ENOX2: variants seen among roughly 807,000 people sequenced by gnomAD.
The protein encoded by ENOX2 is APK1 antigen.
ENOX2 carries 36 observed loss-of-function variants against 45.0 expected under a neutral mutation model. That is an observed-to-expected ratio of 0.80 (90% CI 0.61 to 1.06). The LOEUF (loss-of-function observed/expected upper bound fraction) is 1.06. Among genes scored for constraint, ENOX2 ranks in the 50% least tolerant of loss-of-function variants. The probability of loss-of-function intolerance (pLI) is 0.00; values close to 1 mark genes in which losing one functional copy is unlikely to be tolerated. For synonymous variants in ENOX2, 174 were observed against 152.3 expected, an observed-to-expected ratio of 1.14 and a Z score of -1.05; for missense variants, 423 against 462.5, an observed-to-expected ratio of 0.91 and a Z score of 0.78.
intron 3 of ENOX2, among the ~76,000 whole-genome samples, chrX:130,726,744 G>A (rs1350312093): frequency 8.9e-6 from 1 of 112,600 alleles, no homozygotes; most frequent in Non-Finnish European, 1.9e-5. Flanking sequence ...TCGATTTTAC[G>A]ATGATTTAGA....
At chrX:130,859,258 G>A (rs2078369521) in intron 2 of ENOX2, among the ~76,000 whole-genome samples, 1 of 112,023 alleles carries the variant, frequency 8.9e-6, no homozygotes, top group African/African-American at 3.3e-5. Context: ...CTTGAACCCG[G>A]GAGGCGGAGG....
intron 2 of ENOX2, among the ~76,000 whole-genome samples, chrX:130,795,710 C>T (rs762020374): frequency 8.9e-5 from 10 of 112,037 alleles, no homozygotes; most frequent in Admixed American, 1.9e-4. Context: ...CCCCTAAGTA[C>T]CCTTTGCTTC....
At position 130,678,904 on chromosome X, in the gene ENOX2, G is replaced by A. The variant is rs774226996; in HGVS notation, c.460+638C>T. Among the ~76,000 whole-genome samples, 13 of 111,442 alleles carry A rather than the reference G, an allele frequency of 1.2e-4. No homozygotes were observed. In the East Asian group the frequency reaches 3.1e-3, roughly 27 times the overall value. Reference sequence around the variant, plus strand: ...TTATGAGTATCTACTTTTGTGCCAGGTTATGTGCTAGATGCTGGGGATTCA... The same window carrying A: ...TTATGAGTATCTACTTTTGTGCCAGATTATGTGCTAGATGCTGGGGATTCA... On this transcript the variant is annotated intron_variant, in intron 6 of 14. Transcript: ENST00000394363.
intron 14 of ENOX2, among the ~76,000 whole-genome samples, chrX:130,626,010 A>G (rs1217344639): frequency 9.0e-6 from 1 of 111,262 alleles, no homozygotes; most frequent in Non-Finnish European, 1.9e-5. Flanking sequence ...TTAGGTGGTC[A>G]TCTTCACATT....
chrX:130,732,356 A>G (rs2038756393), intron 3 of ENOX2, among the ~76,000 whole-genome samples: 1 of 112,156 alleles, frequency 8.9e-6, no homozygotes, highest in South Asian at 3.7e-4. Flanking sequence ...TAAAGAAGAC[A>G]CAAACAAATG....
intron 3 of ENOX2, among the ~76,000 whole-genome samples, chrX:130,751,771 G>GT (rs774256624): frequency 2.7e-5 from 3 of 112,086 alleles, no homozygotes; most frequent in Admixed American, 9.4e-5. Flanking sequence ...ATACAAAGTG[G>GT]TATTTAATTA....
intron 2 of ENOX2, among the ~76,000 whole-genome samples, chrX:130,818,272 A>G (rs1274210839): frequency 8.9e-6 from 1 of 111,986 alleles, no homozygotes; most frequent in Non-Finnish European, 1.9e-5. Context: ...ATGGAAAAAC[A>G]TCCCGTGCTC....
intron 10 of ENOX2, among the ~76,000 whole-genome samples, chrX:130,648,487 G>A (rs2036304298): frequency 9.0e-6 from 1 of 110,994 alleles, no homozygotes; most frequent in Middle Eastern, 4.7e-3. Context: ...AGCTATAAAT[G>A]GTGAAAGAAG....
chrX:130,859,713 TG>T (rs1262088949), intron 2 of ENOX2, among the ~76,000 whole-genome samples: 1 of 111,107 alleles, frequency 9.0e-6, no homozygotes, highest in African/African-American at 3.3e-5. Flanking sequence ...TCTGACAGGG[TG>T]GGGGATGCAT....
chrX:130,822,795 A>C, intron 2 of ENOX2, among the ~76,000 whole-genome samples: 1 of 112,117 alleles, frequency 8.9e-6, no homozygotes, highest in Non-Finnish European at 1.9e-5. Flanking sequence ...AAAAAAGAAA[A>C]AAAAAGATAT....
At chrX:130,840,029 C>T (rs905395494) in intron 2 of ENOX2, among the ~76,000 whole-genome samples, 1 of 111,146 alleles carries the variant, frequency 9.0e-6, no homozygotes, top group African/African-American at 3.3e-5. Flanking sequence ...GTCTATATTT[C>T]ATCCTACCTC....
intron 3 of ENOX2, among the ~76,000 whole-genome samples, chrX:130,755,789 T>G (rs1183592468): frequency 9.0e-6 from 1 of 111,143 alleles, no homozygotes; most frequent in Non-Finnish European, 1.9e-5. Context: ...ATTTTGACTA[T>G]AGTCACCCTG....
intron 2 of ENOX2, among the ~76,000 whole-genome samples, chrX:130,841,392 A>T (rs761967516): frequency 1.5e-3 from 169 of 111,979 alleles, no homozygotes; most frequent in Non-Finnish European, 2.2e-3. Flanking sequence ...ATTTATACTG[A>T]TATTTCCAAA....
chrX:130,871,089 A>G (rs1353423289), intron 2 of ENOX2, among the ~76,000 whole-genome samples: 1 of 111,794 alleles, frequency 8.9e-6, no homozygotes, highest in Non-Finnish European at 1.9e-5. Flanking sequence ...CACCAGTACC[A>G]TGAGCTAAGG....
chrX:130,773,748 A>C (rs2039793873), intron 3 of ENOX2, among the ~76,000 whole-genome samples: 1 of 112,323 alleles, frequency 8.9e-6, no homozygotes, highest in African/African-American at 3.2e-5. Flanking sequence ...AACACTAAAG[A>C]TGCTTTTGCT....
intron 2 of ENOX2, among the ~76,000 whole-genome samples, chrX:130,896,913 G>A (rs1458559006): frequency 1.4e-4 from 16 of 111,859 alleles, no homozygotes; most frequent in African/African-American, 3.3e-4. Context: ...ACTGTATGTC[G>A]TATGGTAATC....
chrX:130,722,001 G>A (rs1485434156), intron 3 of ENOX2, among the ~76,000 whole-genome samples: 1 of 111,859 alleles, frequency 8.9e-6, no homozygotes, highest in Non-Finnish European at 1.9e-5. Context: ...TATAGTGTAA[G>A]AGTCCATCTT....
At position 130,736,145 on chromosome X, in the gene ENOX2, C is replaced by G. The variant is rs1231650623; in HGVS notation, c.-38-32891G>C. On this transcript the variant is annotated intron_variant, in intron 3 of 14. Transcript: ENST00000394363. ...TTGGGAGGCCGAGGTGGGCAGATCA[C>G]CTGAGGTCAGGAGTTTGAGACCAGC... Among the ~76,000 whole-genome samples the G allele has an allele frequency of 2.7e-5, 3 of 111,411 alleles. No homozygotes were observed. In the Admixed American group the frequency reaches 2.9e-4, roughly 11 times the overall value.
chrX:130,652,172 A>T (rs748440231), intron 10 of ENOX2, among the ~76,000 whole-genome samples: 2 of 111,786 alleles, frequency 1.8e-5, no homozygotes, highest in Admixed American at 9.5e-5. Context: ...GTTTCTCTCA[A>T]TTCCGATTTT....
Sources: allele counts gnomAD v4.1 joint callset (sites outside exome capture counted in the v4.1 genomes callset), GRCh38; gene constraint gnomAD v4.1.1; transcripts MANE v1.5; gene names NCBI Gene and HGNC (gene_info 2026-07-23, HGNC 2026-07-21).